The following BCL2 variants were observed in gnomAD, a reference collection of about 807,000 sequenced individuals.
BCL2 encodes apoptosis regulator Bcl-2.
BCL2 carries 1 observed loss-of-function variant against 14.2 expected under a neutral mutation model. The ratio of observed to expected loss-of-function variants is 0.07; its 90% CI spans 0.02 to 0.33. The LOEUF (loss-of-function observed/expected upper bound fraction) is 0.33. Among genes scored for constraint, BCL2 ranks in the 10% least tolerant of loss-of-function variants. The pLI, the probability that BCL2 is intolerant of heterozygous loss-of-function variation, is 0.99. For missense variants in BCL2, 247 were observed against 305.9 expected (o/e 0.81, Z 1.44); for synonymous variants, 151 against 137.2 (o/e 1.10, Z -0.70).
At chr18:63,199,755 A>G (rs974609370) in intron 2 of BCL2, among the ~76,000 whole-genome samples, 1 of 152,224 alleles carries the variant, frequency 6.6e-6, no homozygotes, top group Non-Finnish European at 1.5e-5. Context: ...TGACACAGAC[A>G]TAAACACACA....
At chr18:63,131,614 A>G (rs1914071403) in intron 2 of BCL2, among the ~76,000 whole-genome samples, 1 of 152,198 alleles carries the variant, frequency 6.6e-6, no homozygotes, top group Non-Finnish European at 1.5e-5. Context: ...TCTCTGAGGG[A>G]TGGGTAGGCT....
intron 2 of BCL2, among the ~76,000 whole-genome samples, chr18:63,296,073 A>G (rs943566399): frequency 1.3e-5 from 2 of 152,194 alleles, no homozygotes; most frequent in African/African-American, 2.4e-5. Flanking sequence ...ACTGTGTTTT[A>G]TTAGCCAGCT....
intron 2 of BCL2, among the ~76,000 whole-genome samples, chr18:63,264,933 G>C: frequency 0.021 from 1 of 48 alleles, no homozygotes; most frequent in South Asian, 0.25. Flanking sequence ...GGGCTGCAGG[G>C]GGCCCAAAGG....
At chr18:63,235,395 T>G (rs1238288469) in intron 2 of BCL2, among the ~76,000 whole-genome samples, 1 of 152,152 alleles carries the variant, frequency 6.6e-6, no homozygotes, top group Non-Finnish European at 1.5e-5. Context: ...CATCTTAAAA[T>G]TAGAAATAAC....
At chr18:63,290,183 G>A (rs190145440) in intron 2 of BCL2, among the ~76,000 whole-genome samples, 28 of 152,280 alleles carry the variant, frequency 1.8e-4, no homozygotes, top group East Asian at 1.5e-3. Context: ...GAGGGATGAC[G>A]ATGAGTTTAG....
rs755397980 is a variant in BCL2, at chr18:63,318,583, G to A, written c.84C>T (p.Tyr28=). The A allele has an allele frequency of 3.1e-6, 5 of 1,605,766 alleles. No homozygotes were observed. The highest frequency in any genetic ancestry group is 1.1e-5 in the South Asian group (1 of 90,790). ...YIHYKLSQRG[Y]EWDAGDVGAA... is the part of the protein sequence containing the mutation. ...CGCCCACATCTCCCGCATCCCACTC[G>A]TAGCCCCTCTGCGACAGCTTATAAT... The change falls in exon 2 of 3, where the codon TAC becomes TAT. Residue 28 remains tyrosine (Y), a synonymous_variant. Transcript: ENST00000333681. This position sits in a 1 kb window ranked among gnomAD's most constrained non-coding sequence, Gnocchi z 7.4.
chr18:63,304,625 C>T (rs1000157797), intron 2 of BCL2, among the ~76,000 whole-genome samples: 16 of 152,100 alleles, frequency 1.1e-4, no homozygotes, highest in Admixed American at 5.9e-4. Flanking sequence ...TTCAGGGGCA[C>T]ATGTACAGGT....
chr18:63,195,182 C>A (rs1909410648), intron 2 of BCL2, among the ~76,000 whole-genome samples: 1 of 152,178 alleles, frequency 6.6e-6, no homozygotes, highest in Admixed American at 6.5e-5. Flanking sequence ...GCTAACTCTG[C>A]CACCAACAAG....
At chr18:63,273,653 T>C (rs1912065979) in intron 2 of BCL2, among the ~76,000 whole-genome samples, 4 of 152,114 alleles carry the variant, frequency 2.6e-5, no homozygotes, top group African/African-American at 9.7e-5. Context: ...AATGAGAGAG[T>C]TGAACCTAGC....
At chr18:63,241,376 T>C (rs565421906) in intron 2 of BCL2, among the ~76,000 whole-genome samples, 58 of 152,246 alleles carry the variant, frequency 3.8e-4, no homozygotes, top group Non-Finnish European at 6.5e-4. Flanking sequence ...CAAGCATATT[T>C]CATGGTCACC....
At chr18:63,181,022 T>C (rs1915470065) in intron 2 of BCL2, among the ~76,000 whole-genome samples, 1 of 152,180 alleles carries the variant, frequency 6.6e-6, no homozygotes, top group African/African-American at 2.4e-5. Flanking sequence ...GAAGATGCTT[T>C]GTTTCACCAT....
intron 2 of BCL2, among the ~76,000 whole-genome samples, chr18:63,301,164 G>T (rs1378260438): frequency 6.6e-6 from 1 of 152,174 alleles, no homozygotes; most frequent in Non-Finnish European, 1.5e-5. Flanking sequence ...ATTCTTCCTC[G>T]AAGAGTCAAA....
upstream of BCL2, chr18:63,320,033 C>T: frequency 6.7e-6 from 1 of 148,258 alleles, no homozygotes; most frequent in African/African-American, 2.4e-5. Context: ...GGCACCTTCG[C>T]TGGCAGCGGC....
intron 2 of BCL2, among the ~76,000 whole-genome samples, chr18:63,151,838 T>C (rs979803412): frequency 3.3e-5 from 5 of 152,154 alleles, no homozygotes; most frequent in Non-Finnish European, 5.9e-5. Flanking sequence ...ACACTGGCTT[T>C]CTGTTATATG....
intron 2 of BCL2, among the ~76,000 whole-genome samples, chr18:63,210,969 C>T (rs774448478): frequency 1.3e-5 from 2 of 151,968 alleles, no homozygotes; most frequent in South Asian, 2.1e-4. Context: ...GCAAGTCTCA[C>T]GCTCAAATCC....
At chr18:63,304,557 T>C (rs1913064617) in intron 2 of BCL2, among the ~76,000 whole-genome samples, 1 of 152,202 alleles carries the variant, frequency 6.6e-6, no homozygotes, top group African/African-American at 2.4e-5. Flanking sequence ...TATTTATTAG[T>C]GTTTGTTCTT....
intron 2 of BCL2, among the ~76,000 whole-genome samples, chr18:63,154,383 G>C (rs1281619782): frequency 6.6e-6 from 1 of 151,992 alleles, no homozygotes; most frequent in Non-Finnish European, 1.5e-5. Flanking sequence ...GTATTCCCAG[G>C]GTGTCTGCTA....
intron 2 of BCL2, among the ~76,000 whole-genome samples, chr18:63,176,951 C>T (rs1915365054): frequency 6.6e-6 from 1 of 151,430 alleles, no homozygotes. Context: ...GGTCTCACTC[C>T]CATCTTCTGG....
chr18:63,310,774 A>T (rs1913292109), intron 2 of BCL2, among the ~76,000 whole-genome samples: 1 of 152,208 alleles, frequency 6.6e-6, no homozygotes, highest in Non-Finnish European at 1.5e-5. Context: ...AGTTTTGTGG[A>T]CAATTGCTCA....
Sources: allele counts gnomAD v4.1 joint callset (sites outside exome capture counted in the v4.1 genomes callset), GRCh38; gene constraint gnomAD v4.1.1; non-coding constraint Gnocchi (gnomAD v3.1); transcripts MANE v1.5; gene names NCBI Gene and HGNC (gene_info 2026-07-23, HGNC 2026-07-21).